Variants in REV3L observed in about 807,000 individuals in gnomAD.
REV3L encodes REV3 like, DNA directed polymerase zeta catalytic subunit.
In REV3L, 69 loss-of-function variants were observed where a neutral mutation model predicts 299.4. The observed-to-expected ratio is 0.23, with a 90% CI of 0.19 to 0.28. The LOEUF is 0.28. Ranked by LOEUF, REV3L falls within the 10% of genes least tolerant of loss-of-function variation. REV3L has a pLI of 1.00. For missense variants in REV3L, 3,128 were observed against 3,693.8 expected (o/e 0.85, Z 3.97); for synonymous variants, 1,238 against 1,271.4 (o/e 0.97, Z 0.56).
chr6:111,342,063 G>C (rs1190211457), intron 21 of REV3L, among the ~76,000 whole-genome samples: 1 of 152,164 alleles, frequency 6.6e-6, no homozygotes, highest in Admixed American at 6.5e-5. Context: ...ATGTACAGAC[G>C]ACAGAGTTTG....
At chr6:111,371,910 G>A (rs186923336) in intron 13 of REV3L, among the ~76,000 whole-genome samples, 12 of 151,092 alleles carry the variant, frequency 7.9e-5, no homozygotes, top group African/African-American at 2.7e-4. Context: ...TGGGCTGGTC[G>A]CAAACTCCTG....
intron 1 of REV3L, among the ~76,000 whole-genome samples, chr6:111,480,283 TA>T (rs1162876798): frequency 6.6e-6 from 1 of 152,220 alleles, no homozygotes; most frequent in Non-Finnish European, 1.5e-5. Context: ...AGTAAAGATA[TA>T]AACTATAAAG....
chr6:111,330,748 T>C (rs1428824212), intron 24 of REV3L, among the ~76,000 whole-genome samples: 3 of 152,188 alleles, frequency 2.0e-5, no homozygotes, highest in Admixed American at 1.3e-4. Context: ...GAAATGTGAC[T>C]GGAAAACTGA....
rs1377933925 is a variant in REV3L, at chr6:111,422,580, A to G, written c.140-6108T>C. On this transcript the variant is annotated intron_variant, in intron 1 of 31. Transcript: ENST00000368802. ...GTGATTCTTTTATATATATATACAC[A>G]TATATATATATATACACATATATAT... 4.5e-4 allele frequency among the ~76,000 whole-genome samples: 17 copies of G among 38,076 alleles called. 1 individual carries two copies. In the Admixed American group the frequency reaches 4.8e-3, roughly 11 times the overall value. The allele number at this position is 38,076 out of a possible 152,430, so 25.0% of individuals were successfully genotyped here.
intron 1 of REV3L, among the ~76,000 whole-genome samples, chr6:111,465,745 C>CAAAA (rs376561912): frequency 0.13 from 9,654 of 76,128 alleles, 327 homozygotes; most frequent in Admixed American, 0.16. Flanking sequence ...AAACAAAAAC[C>CAAAA]AAAAAAAAAA....
chr6:111,359,084 C>T lies in REV3L; in HGVS notation c.6880-70G>A, dbSNP rs1778382260. On this transcript the variant is annotated intron_variant, in intron 16 of 31. Transcript: ENST00000368802. The stretch of plus-strand genomic sequence containing the variant: ...GACATGCTCAAAGAAGTATGTAAGG[C>T]TCTAGGGAAATATGTATGTAAGATT... 5.4e-6 allele frequency: 7 copies of T among 1,297,970 alleles called. No individual in the cohort carries two copies. The Admixed American group carries it at 6.3e-5, about 12-fold the overall frequency. The allele number at this position is 1,297,970 out of a possible 1,614,324, so 80.4% of individuals were successfully genotyped here. A position where few individuals can be genotyped will look rare whatever the true frequency, so the allele number is the denominator to read the frequency against.
intron 26 of REV3L, among the ~76,000 whole-genome samples, chr6:111,321,033 A>G (rs1436843875): frequency 6.6e-6 from 1 of 152,222 alleles, no homozygotes; most frequent in South Asian, 2.1e-4. Flanking sequence ...GACTGGAATC[A>G]TATAATAACT....
At chr6:111,431,785 G>A in intron 1 of REV3L, 1 of 728,682 alleles carries the variant, frequency 1.4e-6, no homozygotes. Context: ...TGGAAGTTGA[G>A]GCCACCTGTA....
At chr6:111,346,455 C>T (rs1464651223) in intron 20 of REV3L, among the ~76,000 whole-genome samples, 1 of 152,138 alleles carries the variant, frequency 6.6e-6, no homozygotes, top group Non-Finnish European at 1.5e-5. Context: ...AAATCTAGTA[C>T]TTGTATATTA....
At chr6:111,483,383 A>ACG, upstream of REV3L, 1 of 462,086 alleles carries the variant, frequency 2.2e-6, no homozygotes, top group Non-Finnish European at 3.8e-6. Flanking sequence ...CTCCCCGGGC[A>ACG]CGCGGCGAGG....
At chr6:111,367,093 T>A (rs766552249) in intron 14 of REV3L, 22 bp downstream of exon 14, 7 of 1,513,220 alleles carry the variant, frequency 4.6e-6, no homozygotes, top group African/African-American at 1.4e-5. Context: ...TTATGGAGAC[T>A]TCCTGTTATT....
chr6:111,422,615 CATATATATATATAT>C (rs200341270), intron 1 of REV3L, among the ~76,000 whole-genome samples: 1 of 13,636 alleles, frequency 7.3e-5, no homozygotes, highest in African/African-American at 1.7e-4. Flanking sequence ...TATATATACA[CATATATATATATAT>C]ACACATATAT....
At chr6:111,303,969 C>T (rs1338899217) in intron 31 of REV3L, among the ~76,000 whole-genome samples, 2 of 152,106 alleles carry the variant, frequency 1.3e-5, no homozygotes, top group Non-Finnish European at 2.9e-5. Flanking sequence ...ATCTACCTGC[C>T]TTGGCCTCCC....
rs1195681324 is a variant in REV3L at position 111,343,845 on chromosome 6, A to C, written c.7538+80T>G. On this transcript the variant is annotated intron_variant, in intron 21 of 31. Coordinates refer to ENST00000368802, the MANE Select transcript of REV3L (RefSeq NM_001372078.1). ...GCAACTGGCCTGAACAATACACTTT[A>C]AATGTGTGCATTTTATTACATATAA... The C allele has an allele frequency of 3.9e-6, 4 of 1,037,996 alleles. No individual in the cohort carries two copies. In the African/African-American group the frequency reaches 6.5e-5, roughly 17 times the overall value. The allele number at this position is 1,037,996 out of a possible 1,614,324, so 64.3% of individuals were successfully genotyped here. A position where few individuals can be genotyped will look rare whatever the true frequency, so the allele number is the denominator to read the frequency against.
chr6:111,469,958 C>G (rs1290981090), intron 1 of REV3L, among the ~76,000 whole-genome samples: 1 of 152,130 alleles, frequency 6.6e-6, no homozygotes, highest in Non-Finnish European at 1.5e-5. Flanking sequence ...CTTACCTGTT[C>G]TGCTTTTCAA....
At chr6:111,437,223 A>G (rs1208489243) in intron 1 of REV3L, among the ~76,000 whole-genome samples, 1 of 152,164 alleles carries the variant, frequency 6.6e-6, no homozygotes, top group Admixed American at 6.5e-5. Flanking sequence ...ATGACCAGCA[A>G]TTCTACTCCT....
chr6:111,403,720 T>G (rs1454573681), intron 4 of REV3L, among the ~76,000 whole-genome samples: 1 of 152,180 alleles, frequency 6.6e-6, no homozygotes, highest in Non-Finnish European at 1.5e-5. Context: ...CAATGGCCTC[T>G]AAATGTTCAA....
chr6:111,432,152 G>C lies in REV3L; in HGVS notation c.140-15680C>G, dbSNP rs1422238473. On this transcript the variant is annotated intron_variant, in intron 1 of 31. Transcript: ENST00000368802. ...ACAGTAAGAAAAAGAAAAAAGGAAG[G>C]AGTTCTAAAACAACAGAAAACAAGC... 1.2e-4 allele frequency among the ~76,000 whole-genome samples: 18 copies of C among 152,216 alleles called. No individual in the cohort carries two copies. The East Asian group carries it at 3.5e-3, about 29-fold the overall frequency.
At chr6:111,401,873 G>A (rs1272636097) in intron 4 of REV3L, among the ~76,000 whole-genome samples, 1 of 152,142 alleles carries the variant, frequency 6.6e-6, no homozygotes, top group Non-Finnish European at 1.5e-5. Context: ...CACTTTGGGA[G>A]GCTGAGGTGG....
Sources: gnomAD v4.1 joint callset for allele counts (sites outside exome capture counted in the v4.1 genomes callset) on GRCh38, gnomAD v4.1.1 for gene constraint, MANE v1.5 for transcripts, NCBI Gene and HGNC (gene_info 2026-07-23, HGNC 2026-07-21) for gene names.